SPMIP2: variants seen among roughly 807,000 people sequenced by gnomAD.
SPMIP2 encodes sperm microtubule inner protein 2, also known as protein SPMIP2.
the SPMIP2 span, among the ~76,000 whole-genome samples, chr4:158,974,547 G>A: frequency 1.3e-5 from 2 of 151,968 alleles, no homozygotes; most frequent in African/African-American, 2.4e-5. Context: ...TATGAGGGAG[G>A]ACATGCAGTG....
At chr4:158,917,621 A>G in the SPMIP2 span, among the ~76,000 whole-genome samples, 1 of 151,822 alleles carries the variant, frequency 6.6e-6, no homozygotes, top group African/African-American at 2.4e-5. Context: ...TATTTCCTGG[A>G]AAACTGCAAC....
the SPMIP2 span, among the ~76,000 whole-genome samples, chr4:159,032,173 G>A: frequency 6.6e-6 from 1 of 151,974 alleles, no homozygotes; most frequent in Non-Finnish European, 1.5e-5. Flanking sequence ...AGTGAGCTGA[G>A]ATCATACCAC....
chr4:158,908,433 T>A, the SPMIP2 span, among the ~76,000 whole-genome samples: 1 of 152,268 alleles, frequency 6.6e-6, no homozygotes, highest in African/African-American at 2.4e-5. Flanking sequence ...TTTTTGTATA[T>A]AATGCATTCT....
At chr4:159,067,380 G>A in the SPMIP2 span, among the ~76,000 whole-genome samples, 6 of 152,012 alleles carry the variant, frequency 3.9e-5, no homozygotes, top group African/African-American at 1.2e-4. Flanking sequence ...TAGATGGGAC[G>A]CCACCATGCC....
chr4:158,998,119 G>C, the SPMIP2 span, among the ~76,000 whole-genome samples: 11 of 152,272 alleles, frequency 7.2e-5, no homozygotes, highest in African/African-American at 2.6e-4. Flanking sequence ...GTGTGGCTGT[G>C]TTCTAATAAA....
At chr4:159,003,992 G>A in the SPMIP2 span, among the ~76,000 whole-genome samples, 1 of 152,074 alleles carries the variant, frequency 6.6e-6, no homozygotes, top group Non-Finnish European at 1.5e-5. Context: ...ATCACCAGCT[G>A]AGTCCATTTT....
At chr4:159,034,775 C>T in the SPMIP2 span, among the ~76,000 whole-genome samples, 5 of 152,208 alleles carry the variant, frequency 3.3e-5, 1 homozygote, top group South Asian at 6.2e-4. Context: ...CCTGTAATCC[C>T]AGCTACTCAG....
the SPMIP2 span, among the ~76,000 whole-genome samples, chr4:159,039,557 A>C: frequency 1.3e-5 from 2 of 152,360 alleles, no homozygotes; most frequent in African/African-American, 4.8e-5. Flanking sequence ...GGCATTGACT[A>C]GATGTGGATT....
At chr4:158,943,917 G>A in the SPMIP2 span, among the ~76,000 whole-genome samples, 3 of 137,340 alleles carry the variant, frequency 2.2e-5, no homozygotes, top group African/African-American at 8.2e-5. Context: ...GTGCAGTGGT[G>A]TGATCTCGGC....
chr4:158,926,397 T>C, the SPMIP2 span, among the ~76,000 whole-genome samples: 1 of 152,176 alleles, frequency 6.6e-6, no homozygotes, highest in Non-Finnish European at 1.5e-5. Context: ...TTTGTTTATC[T>C]CAAAATATTT....
the SPMIP2 span, among the ~76,000 whole-genome samples, chr4:158,935,972 AT>A: frequency 6.6e-6 from 1 of 152,342 alleles, no homozygotes; most frequent in East Asian, 1.9e-4. Context: ...CATGTCAGCC[AT>A]TTTGATTCAC....
chr4:158,938,780 C>T, the SPMIP2 span, among the ~76,000 whole-genome samples: 821 of 152,242 alleles, frequency 5.4e-3, 5 homozygotes, highest in African/African-American at 0.017. Context: ...TAAAAATACA[C>T]AGTGTTTATT....
At chr4:158,959,932 A>C in the SPMIP2 span, among the ~76,000 whole-genome samples, 1 of 152,160 alleles carries the variant, frequency 6.6e-6, no homozygotes. Flanking sequence ...TTTAATCTGA[A>C]AAAAATTAAT....
the SPMIP2 span, among the ~76,000 whole-genome samples, chr4:158,903,649 T>G: frequency 6.6e-6 from 1 of 152,200 alleles, no homozygotes; most frequent in South Asian, 2.1e-4. Flanking sequence ...CTAAAAGTAC[T>G]AGAGAACTTC....
At chr4:159,070,484 A>T in the SPMIP2 span, among the ~76,000 whole-genome samples, 1 of 152,336 alleles carries the variant, frequency 6.6e-6, no homozygotes, top group South Asian at 2.1e-4. Context: ...TGACCTACAC[A>T]AACTAAACTT....
the SPMIP2 span, among the ~76,000 whole-genome samples, chr4:158,928,959 G>C: frequency 6.6e-6 from 1 of 152,114 alleles, no homozygotes; most frequent in Non-Finnish European, 1.5e-5. Context: ...ACATCAGAAG[G>C]AACAAACTCC....
At chr4:158,903,110 A>T in the SPMIP2 span, among the ~76,000 whole-genome samples, 1 of 152,178 alleles carries the variant, frequency 6.6e-6, no homozygotes, top group Admixed American at 6.5e-5. Context: ...CAGGGCCCTG[A>T]TTGTGTACAC....
the SPMIP2 span, among the ~76,000 whole-genome samples, chr4:159,069,815 A>G: frequency 6.6e-6 from 1 of 152,038 alleles, no homozygotes; most frequent in Non-Finnish European, 1.5e-5. Context: ...TACAAAGTGG[A>G]GCATTCTTGA....
the SPMIP2 span, among the ~76,000 whole-genome samples, chr4:158,952,228 C>T: frequency 2.0e-5 from 3 of 152,110 alleles, no homozygotes; most frequent in Non-Finnish European, 4.4e-5. Flanking sequence ...TCTGTGAAAT[C>T]ATGAGTAGAA....
Sources: allele counts gnomAD v4.1 joint callset (sites outside exome capture counted in the v4.1 genomes callset), GRCh38; gene constraint gnomAD v4.1.1; transcripts MANE v1.5; gene names NCBI Gene and HGNC (gene_info 2026-07-23, HGNC 2026-07-21).